HAPLN1: variants seen among roughly 807,000 people sequenced by gnomAD.
The protein encoded by HAPLN1 is Cartilage link protein.
Under a neutral mutation model 36.5 loss-of-function variants are expected in HAPLN1, and 13 were observed. The ratio of observed to expected loss-of-function variants is 0.36; its 90% CI spans 0.23 to 0.57. The LOEUF (loss-of-function observed/expected upper bound fraction) is 0.57, where lower values mean the gene tolerates loss of function less well. HAPLN1 is among the 20% of genes least tolerant of loss of function. The pLI, the probability that HAPLN1 is intolerant of heterozygous loss-of-function variation, is 0.83. For missense variants in HAPLN1, 407 were observed against 439.7 expected, an observed-to-expected ratio of 0.93 and a Z score of 0.66; for synonymous variants, 202 against 169.8, an observed-to-expected ratio of 1.19 and a Z score of -1.48.
In HAPLN1 at chr5:83,696,527, TAA is replaced by T. The variant is rs568420261; in HGVS notation, c.-26-22980_-26-22979del. ...TGCTACCTGACTTTAAGATTTATAA[TAA>T]AGTTATAGTAATTAAGAGAGTATGG... On this transcript the variant is annotated intron_variant, in intron 1 of 4. Coordinates refer to ENST00000274341, the MANE Select transcript of HAPLN1 (RefSeq NM_001884.4). Among the ~76,000 whole-genome samples the T allele has an allele frequency of 7.9e-5, 12 of 152,244 alleles. No homozygotes were observed. In the South Asian group the frequency reaches 2.5e-3, roughly 32 times the overall value.
chr5:83,673,403 A>T (rs1165465271), intron 2 of HAPLN1, 21 bp downstream of exon 2: 1 of 1,489,466 alleles, frequency 6.7e-7, no homozygotes. Context: ...GGCTTTGATA[A>T]GAGAAGCTGT....
At chr5:83,649,593 C>T (rs1192544148) in intron 3 of HAPLN1, among the ~76,000 whole-genome samples, 2 of 152,124 alleles carry the variant, frequency 1.3e-5, no homozygotes, top group African/African-American at 4.8e-5. Flanking sequence ...GGATTACAGG[C>T]ACGTACCACC....
chr5:83,688,766 G>A (rs1348100303), intron 1 of HAPLN1, among the ~76,000 whole-genome samples: 1 of 145,558 alleles, frequency 6.9e-6, no homozygotes, highest in Non-Finnish European at 1.5e-5. Flanking sequence ...AGAAAATGAT[G>A]CATTCAGGGA....
At chr5:83,693,123 T>C (rs1429160738) in intron 1 of HAPLN1, among the ~76,000 whole-genome samples, 3 of 152,018 alleles carry the variant, frequency 2.0e-5, no homozygotes, top group East Asian at 1.9e-4. Context: ...AAAAGTTATA[T>C]GAGTATGGCC....
intron 1 of HAPLN1, among the ~76,000 whole-genome samples, chr5:83,697,331 A>G (rs1184452724): frequency 6.6e-6 from 1 of 152,098 alleles, no homozygotes; most frequent in Non-Finnish European, 1.5e-5. Flanking sequence ...CACTTAGCGT[A>G]ATGTTTTCAA....
chr5:83,648,489 C>T (rs934485375), intron 3 of HAPLN1, among the ~76,000 whole-genome samples: 1 of 139,054 alleles, frequency 7.2e-6, no homozygotes, highest in African/African-American at 2.7e-5. Flanking sequence ...ATATATATGG[C>T]TTGAATCCAA....
chr5:83,661,159 A>T (rs1326247181), intron 2 of HAPLN1, among the ~76,000 whole-genome samples: 2 of 151,732 alleles, frequency 1.3e-5, no homozygotes, highest in Non-Finnish European at 2.9e-5. Flanking sequence ...CTTTTTAAAC[A>T]AACATCACTA....
At chr5:83,687,846 T>A (rs147588075) in intron 1 of HAPLN1, among the ~76,000 whole-genome samples, 1 of 152,328 alleles carries the variant, frequency 6.6e-6, no homozygotes, top group East Asian at 1.9e-4. Context: ...ATTCTGGAAA[T>A]GCATTTATAT....
intron 1 of HAPLN1, among the ~76,000 whole-genome samples, chr5:83,699,284 A>G (rs997993512): frequency 1.3e-5 from 2 of 152,242 alleles, no homozygotes; most frequent in African/African-American, 2.4e-5. Flanking sequence ...AAAACTATAT[A>G]GTGACTCCAC....
At position 83,638,907 on chromosome 5, in the gene HAPLN1, A is replaced by G. The variant is rs970753052; in HGVS notation, c.*2589T>C. The G allele has an allele frequency of 6.6e-6, 1 of 151,964 alleles. No homozygotes were observed. Among genetic ancestry groups the G allele is most frequent in the Non-Finnish European group, 1.5e-5 (1 of 67,884 alleles). The allele number at this position is 151,964 out of a possible 1,614,324, so 9.4% of individuals were successfully genotyped here. A position where few individuals can be genotyped will look rare whatever the true frequency, so the allele number is the denominator to read the frequency against. ...ATGTCTCAGTGAAATGTGCAGATAT[A>G]CTTTGTTCCTTATATGGTCACCAGT... is the stretch of plus-strand genomic sequence containing the variant. On this transcript the variant is annotated 3_prime_UTR_variant, in exon 5 of 5. Coordinates refer to ENST00000274341, the MANE Select transcript of HAPLN1 (RefSeq NM_001884.4).
At chr5:83,670,172 A>G (rs1218418240) in intron 2 of HAPLN1, among the ~76,000 whole-genome samples, 1 of 152,222 alleles carries the variant, frequency 6.6e-6, no homozygotes, top group African/African-American at 2.4e-5. Flanking sequence ...AGGCTACACA[A>G]AAGTTTTTGG....
rs1393877293 is a variant in HAPLN1, at chr5:83,694,078, A to T, written c.-26-20529T>A. ...GACAATTCTCAAGAAATGTAAAAGGATTTACGTGAGGCAAAATATATTCCC... is the reference window on the plus strand; with the variant it reads ...GACAATTCTCAAGAAATGTAAAAGGTTTTACGTGAGGCAAAATATATTCCC... On this transcript the variant is annotated intron_variant, in intron 1 of 4. Transcript: ENST00000274341. Among the ~76,000 whole-genome samples, 8 of 152,104 alleles carry T rather than the reference A, an allele frequency of 5.3e-5. No homozygotes were observed. The East Asian group carries it at 1.5e-3, about 29-fold the overall frequency.
chr5:83,650,041 A>T (rs6899025), intron 3 of HAPLN1, among the ~76,000 whole-genome samples: 1 of 152,354 alleles, frequency 6.6e-6, no homozygotes. Flanking sequence ...AGCACAGGAC[A>T]GGTCCTAGCT....
At chr5:83,677,602 CTG>C (rs138115736) in intron 1 of HAPLN1, among the ~76,000 whole-genome samples, 3,966 of 152,216 alleles carry the variant, frequency 0.026, 187 homozygotes, top group African/African-American at 0.09. Flanking sequence ...ACCTGACAAA[CTG>C]AGAAAAATCA....
intron 1 of HAPLN1, among the ~76,000 whole-genome samples, chr5:83,701,813 C>A (rs912598612): frequency 6.6e-6 from 1 of 152,012 alleles, no homozygotes; most frequent in Non-Finnish European, 1.5e-5. Context: ...GTGGTCCCAG[C>A]TGCTTGGGAG....
chr5:83,659,540 A>T (rs1199493452), intron 2 of HAPLN1, among the ~76,000 whole-genome samples: 2 of 152,156 alleles, frequency 1.3e-5, no homozygotes, highest in African/African-American at 4.8e-5. Context: ...TATTTAAAAA[A>T]TTTTAAACCA....
chr5:83,652,428 T>A, intron 3 of HAPLN1, 25 bp downstream of exon 3: 2 of 1,587,362 alleles, frequency 1.3e-6, no homozygotes, highest in Non-Finnish European at 1.7e-6. Context: ...CATTTATACG[T>A]TGAACATGAC....
chr5:83,691,068 C>A (rs1462307745), intron 1 of HAPLN1, among the ~76,000 whole-genome samples: 2 of 151,996 alleles, frequency 1.3e-5, no homozygotes, highest in African/African-American at 4.8e-5. Context: ...TATTGGACAT[C>A]AGGCAAAGAA....
chr5:83,677,879 A>G, intron 1 of HAPLN1, among the ~76,000 whole-genome samples: 1 of 152,232 alleles, frequency 6.6e-6, no homozygotes, highest in East Asian at 1.9e-4. Context: ...AAATCCTCCC[A>G]TAAAACTGCT....
Sources: gnomAD v4.1 joint callset for allele counts (sites outside exome capture counted in the v4.1 genomes callset) on GRCh38, gnomAD v4.1.1 for gene constraint, MANE v1.5 for transcripts, NCBI Gene and HGNC (gene_info 2026-07-23, HGNC 2026-07-21) for gene names.